Variants in UTP11 observed in about 807,000 individuals in gnomAD.
UTP11 encodes probable U3 small nucleolar RNA-associated protein 11.
A neutral mutation model predicts 39.0 loss-of-function variants in UTP11; 29 were observed. That is an observed-to-expected ratio of 0.74 (90% CI 0.55 to 1.01). The LOEUF is 1.01. UTP11 is among the 50% of genes least tolerant of loss of function. The probability of loss-of-function intolerance (pLI) is 0.00; values close to 1 mark genes in which losing one functional copy is unlikely to be tolerated. For synonymous variants in UTP11, 111 were observed against 105.0 expected (o/e 1.06, Z -0.35); for missense variants, 281 against 306.0 (o/e 0.92, Z 0.61).
intron 1 of UTP11, among the ~76,000 whole-genome samples, 189 bp downstream of exon 1, chr1:38,013,054 C>T (rs113914117): frequency 6.8e-4 from 103 of 152,346 alleles, no homozygotes; most frequent in African/African-American, 2.4e-3. Context: ...TTGTCGTTTC[C>T]GTTCTAGGAA....
chr1:38,018,502 A>G lies in UTP11; in HGVS notation c.267A>G (p.Val89=), dbSNP rs986085334. The change falls in exon 4 of 8, where the codon GTA becomes GTG. Residue 89 remains valine, a synonymous_variant. Transcript: ENST00000373014. ...VHIIKETKEE[V]TPEQLKLMRT... Reference sequence around the variant, plus strand: ...TTATTAAGGAGACTAAGGAAGAAGTAACCCCAGAACAACTAAAGCTGATGA... The same window carrying G: ...TTATTAAGGAGACTAAGGAAGAAGTGACCCCAGAACAACTAAAGCTGATGA... 2 of 1,613,772 alleles carry G rather than the reference A, an allele frequency of 1.2e-6. No individual in the cohort carries two copies. Among genetic ancestry groups the G allele is most frequent in the Admixed American group, 1.7e-5 (1 of 59,988 alleles).
In UTP11 at chr1:38,019,295, A is replaced by G. The variant is rs904435823; in HGVS notation, c.479A>G (p.Glu160Gly). 1 of 1,614,148 alleles carries G rather than the reference A, an allele frequency of 6.2e-7. No homozygotes were observed. The highest frequency in any genetic ancestry group is 8.5e-7 in the Non-Finnish European group (1 of 1,180,020). The change falls in exon 6 of 8, where the codon GAG (glutamate) becomes GGG (glycine). Residue 160 changes from glutamate (E) to glycine (G), a missense_variant. Coordinates refer to ENST00000373014, the MANE Select transcript of UTP11 (RefSeq NM_016037.4). ...DVATHLQTAP[E>G]LVDRVFNRPR... Reference sequence around the variant, plus strand: ...GCAACTCACCTGCAAACAGCCCCGGAGCTAGTCGACAGAGTCTTTAATAGG... The same window carrying G: ...GCAACTCACCTGCAAACAGCCCCGGGGCTAGTCGACAGAGTCTTTAATAGG...
At chr1:38,015,718 C>T (rs767457606) in intron 1 of UTP11, among the ~76,000 whole-genome samples, 2 of 152,138 alleles carry the variant, frequency 1.3e-5, no homozygotes, top group Non-Finnish European at 2.9e-5. Flanking sequence ...TTCTGTCATA[C>T]TTTTTTCTCA....
chr1:38,016,180 C>G (rs1158872556), intron 1 of UTP11, among the ~76,000 whole-genome samples, 179 bp from the exon 2 acceptor site: 1 of 152,258 alleles, frequency 6.6e-6, no homozygotes, highest in African/African-American at 2.4e-5. Context: ...GGCAGGGTCC[C>G]TCTCATCCTT....
chr1:38,015,283 A>G (rs781175305), intron 1 of UTP11, among the ~76,000 whole-genome samples: 8 of 152,146 alleles, frequency 5.3e-5, no homozygotes, highest in Non-Finnish European at 1.0e-4. Context: ...TGGCCTCCCA[A>G]AGTGCTGGGA....
At position 38,019,498 on chromosome 1, in the gene UTP11, A is replaced by AT. The variant is rs548442833; in HGVS notation, c.567+121dup. ...TAATTTTTAAAATTTATTTTATTTT[A>AT]TTTTTTAGTCAGAGTCTCACTGTCT... On this transcript the variant is annotated intron_variant, in intron 6 of 7. Transcript: ENST00000373014. 129 of 922,534 alleles carry AT rather than the reference A, an allele frequency of 1.4e-4. No homozygotes were observed. The African/African-American group carries it at 2.7e-3, about 19-fold the overall frequency. The allele number at this position is 922,534 out of a possible 1,614,324, so 57.1% of individuals were successfully genotyped here. A position where few individuals can be genotyped will look rare whatever the true frequency, so the allele number is the denominator to read the frequency against.
At chr1:38,017,854 T>C (rs969383571) in intron 3 of UTP11, 84 bp downstream of exon 3, 14 of 1,234,382 alleles carry the variant, frequency 1.1e-5, no homozygotes, top group African/African-American at 1.1e-4. Context: ...GGAAGAATCG[T>C]TGGCCTTAAT....
intron 1 of UTP11, among the ~76,000 whole-genome samples, chr1:38,015,942 T>C (rs1165278197): frequency 6.6e-6 from 1 of 152,244 alleles, no homozygotes; most frequent in Non-Finnish European, 1.5e-5. Context: ...GAGGTAAAGC[T>C]TGGATTTGAA....
At chr1:38,013,498 G>A (rs1646689680) in intron 1 of UTP11, among the ~76,000 whole-genome samples, 1 of 152,148 alleles carries the variant, frequency 6.6e-6, no homozygotes, top group African/African-American at 2.4e-5. Flanking sequence ...GTCTGTGTAG[G>A]GAGGTTGAGT....
chr1:38,019,270 G>T lies in UTP11; in HGVS notation c.454G>T (p.Ala152Ser), dbSNP rs1266786660. 1 of 1,614,010 alleles carries T rather than the reference G, an allele frequency of 6.2e-7. No homozygotes were observed. Among genetic ancestry groups the T allele is most frequent in the South Asian group, 1.1e-5 (1 of 91,078 alleles). The change falls in exon 6 of 8, where the codon GCA (alanine) becomes TCA (serine). Residue 152 changes from alanine to serine, a missense_variant. Coordinates refer to ENST00000373014, the MANE Select transcript of UTP11 (RefSeq NM_016037.4). ...TKKEVEQFDV[A>S]THLQTAPELV... is the part of the protein sequence containing the mutation. ...AATTTTAGTTGAACAGTTTGATGTC[G>T]CAACTCACCTGCAAACAGCCCCGGA...
chr1:38,020,081 A>C (rs1646728001), intron 6 of UTP11, among the ~76,000 whole-genome samples: 1 of 152,042 alleles, frequency 6.6e-6, no homozygotes, highest in Non-Finnish European at 1.5e-5. Context: ...TTAGCAGTGA[A>C]TACGCACATC....
At chr1:38,021,504 G>A (rs1003313298) in intron 6 of UTP11, among the ~76,000 whole-genome samples, 1 of 152,170 alleles carries the variant, frequency 6.6e-6, no homozygotes, top group African/African-American at 2.4e-5. Flanking sequence ...AGCTTTAGGA[G>A]GTCTGAGAAA....
At chr1:38,021,243 C>T (rs537959023) in intron 6 of UTP11, among the ~76,000 whole-genome samples, 3 of 152,214 alleles carry the variant, frequency 2.0e-5, no homozygotes, top group Non-Finnish European at 2.9e-5. Context: ...TTCAATTAGC[C>T]GTGTCACTGA....
At chr1:38,018,883 GA>G (rs1251979976) in intron 4 of UTP11, among the ~76,000 whole-genome samples, 175 bp from the exon 5 acceptor site, 3 of 152,132 alleles carry the variant, frequency 2.0e-5, no homozygotes, top group Non-Finnish European at 4.4e-5. Flanking sequence ...TGCGTCTTGG[GA>G]AGTGCCTAGC....
chr1:38,024,169 T>G lies in UTP11; in HGVS notation c.*541T>G, dbSNP rs1286696967. On this transcript the variant is annotated 3_prime_UTR_variant, in exon 8 of 8. Transcript: ENST00000373014. ...TTTTTTTGTTATGAAACATAGGATC[T>G]CATTACAGCAGATTTGGAAAGTAGA... 6.6e-6 allele frequency: 1 copy of G among 152,182 alleles called. No homozygotes were observed. Among genetic ancestry groups the G allele is most frequent in the Admixed American group, 6.5e-5 (1 of 15,274 alleles). The allele number at this position is 152,182 out of a possible 1,614,324, so 9.4% of individuals were successfully genotyped here.
At chr1:38,022,855 T>G in intron 7 of UTP11, 46 bp downstream of exon 7, 1 of 1,344,954 alleles carries the variant, frequency 7.4e-7, no homozygotes, top group Non-Finnish European at 1.0e-6. Flanking sequence ...TTTCCCCCTT[T>G]TCTTTCTTGT....
rs2148740690 is a variant in UTP11 at position 38,024,631 on chromosome 1, TCTC to T, written c.*1006_*1008del. On this transcript the variant is annotated 3_prime_UTR_variant, in exon 8 of 8. Transcript: ENST00000373014. Reference sequence around the variant, plus strand: ...ACCTTGTTAGCCAGGATGGTCTCGATCTCCTGACCTCATGATCCACCCGCCTCG... The same window carrying T: ...ACCTTGTTAGCCAGGATGGTCTCGATCTGACCTCATGATCCACCCGCCTCG... 6.6e-6 allele frequency: 1 copy of T among 151,876 alleles called. No homozygotes were observed. Among genetic ancestry groups the T allele is most frequent in the East Asian group, 1.9e-4 (1 of 5,158 alleles). The allele number at this position is 151,876 out of a possible 1,614,324, so 9.4% of individuals were successfully genotyped here.
At chr1:38,022,121 A>C (rs895009011) in intron 6 of UTP11, among the ~76,000 whole-genome samples, 1 of 152,124 alleles carries the variant, frequency 6.6e-6, no homozygotes, top group African/African-American at 2.4e-5. Flanking sequence ...GTTGCTCTCC[A>C]TTCACTTTGT....
rs1255707692 is a variant in UTP11, at chr1:38,023,694, T to C, written c.*66T>C. The C allele has an allele frequency of 4.9e-6, 7 of 1,416,406 alleles. No individual in the cohort carries two copies. The highest frequency in any genetic ancestry group is 3.9e-6 in the Non-Finnish European group (4 of 1,026,036). 87.7% of individuals were successfully genotyped at this position (1,416,406 alleles called of 1,614,324 possible). ...GTTGTCGTTTTCTAGTAACTTCAAATTCCATTACTCCAAATGGCATGGTTT... is the reference window on the plus strand; with the variant it reads ...GTTGTCGTTTTCTAGTAACTTCAAACTCCATTACTCCAAATGGCATGGTTT... On this transcript the variant is annotated 3_prime_UTR_variant, in exon 8 of 8. Coordinates refer to ENST00000373014, the MANE Select transcript of UTP11 (RefSeq NM_016037.4).
Sources: gnomAD v4.1 joint callset for allele counts (sites outside exome capture counted in the v4.1 genomes callset) on GRCh38, gnomAD v4.1.1 for gene constraint, MANE v1.5 for transcripts, NCBI Gene and HGNC (gene_info 2026-07-23, HGNC 2026-07-21) for gene names.